ADCY2: variants seen among roughly 807,000 people sequenced by gnomAD.
ADCY2 encodes adenylate cyclase type 2.
ADCY2 carries 31 observed loss-of-function variants against 125.2 expected under a neutral mutation model. The observed-to-expected ratio is 0.25, with a 90% CI of 0.19 to 0.33. The LOEUF (loss-of-function observed/expected upper bound fraction) is 0.33, where lower values mean the gene tolerates loss of function less well. Ranked by LOEUF, ADCY2 falls within the 10% of genes least tolerant of loss-of-function variation. ADCY2 has a pLI of 1.00. For synonymous variants in ADCY2, 512 were observed against 548.4 expected (o/e 0.93, Z 0.93); for missense variants, 904 against 1,418.2 (o/e 0.64, Z 5.82).
intron 24 of ADCY2, among the ~76,000 whole-genome samples, chr5:7,825,512 T>C (rs1745448566): frequency 6.6e-6 from 1 of 152,238 alleles, no homozygotes; most frequent in Non-Finnish European, 1.5e-5. Context: ...ACAGGTGCCC[T>C]TGTTGCAGCC....
At chr5:7,436,924 C>T (rs763539765) in intron 2 of ADCY2, among the ~76,000 whole-genome samples, 19 of 152,180 alleles carry the variant, frequency 1.2e-4, no homozygotes, top group Non-Finnish European at 2.6e-4. Flanking sequence ...CCACCTTCCC[C>T]ATGCTGAGTG....
intron 14 of ADCY2, among the ~76,000 whole-genome samples, chr5:7,732,480 T>C (rs1742132513): frequency 6.6e-6 from 1 of 152,218 alleles, no homozygotes; most frequent in African/African-American, 2.4e-5. Context: ...CTGGGCCGTT[T>C]AGCATCAGCA....
chr5:7,730,317 CAATTGTGAATTG>C (rs1351585722), intron 14 of ADCY2, among the ~76,000 whole-genome samples: 5 of 152,270 alleles, frequency 3.3e-5, no homozygotes, highest in Admixed American at 1.3e-4. Flanking sequence ...CATATCTTGG[CAATTGTGAATTG>C]AATTTTAACA....
intron 3 of ADCY2, among the ~76,000 whole-genome samples, chr5:7,530,702 C>T (rs1011369876): frequency 5.9e-5 from 9 of 152,242 alleles, no homozygotes; most frequent in African/African-American, 2.2e-4. Context: ...TTTCATTCAT[C>T]CTCAGAATGA....
chr5:7,437,536 T>C (rs1740852063), intron 2 of ADCY2, among the ~76,000 whole-genome samples: 2 of 152,334 alleles, frequency 1.3e-5, no homozygotes, highest in South Asian at 4.1e-4. Flanking sequence ...ATCTATAAAA[T>C]CATAATCATA....
chr5:7,471,879 T>G (rs1742352559), intron 2 of ADCY2, among the ~76,000 whole-genome samples: 1 of 152,132 alleles, frequency 6.6e-6, no homozygotes, highest in Non-Finnish European at 1.5e-5. Flanking sequence ...TTGCATAGTG[T>G]CTAACAAGGA....
chr5:7,625,353 G>A (rs1313145026), intron 3 of ADCY2, among the ~76,000 whole-genome samples: 1 of 152,202 alleles, frequency 6.6e-6, no homozygotes, highest in Admixed American at 6.5e-5. Context: ...GAAGCTTCTT[G>A]GAACAAGATA....
intron 2 of ADCY2, among the ~76,000 whole-genome samples, chr5:7,419,375 C>T (rs1458952385): frequency 1.3e-5 from 2 of 152,154 alleles, no homozygotes; most frequent in African/African-American, 2.4e-5. Flanking sequence ...AGACATGGAG[C>T]CCCTGTTGTC....
chr5:7,707,432 C>T lies in ADCY2; in HGVS notation c.1269-274C>T, dbSNP rs572303714. On this transcript the variant is annotated intron_variant, in intron 8 of 24. Coordinates refer to ENST00000338316, the MANE Select transcript of ADCY2 (RefSeq NM_020546.3). ...ATGACATACATTTCAAAGATATTCTCATAAAAATTCAAGATAATCAAGTTG... is the reference window on the plus strand; with the variant it reads ...ATGACATACATTTCAAAGATATTCTTATAAAAATTCAAGATAATCAAGTTG... Among the ~76,000 whole-genome samples, 3 of 152,248 alleles carry T rather than the reference C, an allele frequency of 2.0e-5. No homozygotes were observed. In the East Asian group the frequency reaches 5.8e-4, roughly 29 times the overall value.
intron 4 of ADCY2, among the ~76,000 whole-genome samples, chr5:7,632,685 G>T (rs891863634): frequency 5.9e-5 from 9 of 152,112 alleles, no homozygotes; most frequent in Admixed American, 4.6e-4. Flanking sequence ...TTCACAGTTT[G>T]CACCACACTG....
intron 22 of ADCY2, among the ~76,000 whole-genome samples, chr5:7,816,440 C>A (rs916911845): frequency 2.0e-5 from 3 of 152,210 alleles, no homozygotes; most frequent in Non-Finnish European, 4.4e-5. Context: ...AGCCCAAGGA[C>A]AAGGAGCGGG....
rs148732365 is a variant in ADCY2 at position 7,579,434 on chromosome 5, C to CAG, written c.571-46717_571-46716dup. 2.5e-3 allele frequency among the ~76,000 whole-genome samples: 369 copies of CAG among 150,010 alleles called. 1 individual carries two copies. Among genetic ancestry groups the CAG allele is most frequent in the African/African-American group, 4.3e-3 (178 of 41,188 alleles). ...CCTAAAAAAAAGAGATCCACAGAGA[C>CAG]AGAGAGAGAGAGAGAGAACAGCCAA... On this transcript the variant is annotated intron_variant, in intron 3 of 24. Coordinates refer to ENST00000338316, the MANE Select transcript of ADCY2 (RefSeq NM_020546.3).
At chr5:7,467,774 C>T (rs924038523) in intron 2 of ADCY2, among the ~76,000 whole-genome samples, 1 of 152,168 alleles carries the variant, frequency 6.6e-6, no homozygotes, top group Non-Finnish European at 1.5e-5. Flanking sequence ...TAAAATAAAT[C>T]ATTGCTGCAT....
intron 24 of ADCY2, among the ~76,000 whole-genome samples, chr5:7,825,013 C>T (rs1745421496): frequency 6.6e-6 from 1 of 152,182 alleles, no homozygotes; most frequent in African/African-American, 2.4e-5. Flanking sequence ...GCCATAACAC[C>T]CCTGTGTGCC....
chr5:7,627,692 A>C (rs1164826287), intron 4 of ADCY2, among the ~76,000 whole-genome samples: 2 of 152,206 alleles, frequency 1.3e-5, no homozygotes, highest in African/African-American at 4.8e-5. Context: ...AGCAAAAAGT[A>C]TATCCTTTAA....
At position 7,523,344 on chromosome 5, in the gene ADCY2, G is replaced by A. The variant is rs551121161; in HGVS notation, c.570+2445G>A. Among the ~76,000 whole-genome samples, 29 of 148,448 alleles carry A rather than the reference G, an allele frequency of 2.0e-4. 1 individual carries two copies. In the South Asian group the frequency reaches 5.9e-3, roughly 30 times the overall value. On this transcript the variant is annotated intron_variant, in intron 3 of 24. Coordinates refer to ENST00000338316, the MANE Select transcript of ADCY2 (RefSeq NM_020546.3). ...AAAAAAAAAAAAAAGTGGGAAAGAT[G>A]GAATCTTAAATTTTTATTTACTCAG...
rs371712909 is a variant in ADCY2 at position 7,611,876 on chromosome 5, G to A, written c.571-14291G>A. ...GGCAAGTAATCCAAAGCTCATCTAGGCACAACAATGAGATGATTCTAGAAG... is the reference window on the plus strand; with the variant it reads ...GGCAAGTAATCCAAAGCTCATCTAGACACAACAATGAGATGATTCTAGAAG... On this transcript the variant is annotated intron_variant, in intron 3 of 24. Coordinates refer to ENST00000338316, the MANE Select transcript of ADCY2 (RefSeq NM_020546.3). 2.0e-4 allele frequency among the ~76,000 whole-genome samples: 30 copies of A among 152,232 alleles called. No homozygotes were observed. The East Asian group carries it at 2.3e-3, about 12-fold the overall frequency.
chr5:7,806,613 G>GAGAGAC (rs1020584877), intron 22 of ADCY2, among the ~76,000 whole-genome samples: 25 of 152,206 alleles, frequency 1.6e-4, no homozygotes, highest in Non-Finnish European at 3.1e-4. Flanking sequence ...GAGAGAGAGA[G>GAGAGAC]AGAGACAGAG....
chr5:7,533,911 C>T (rs1477016347), intron 3 of ADCY2, among the ~76,000 whole-genome samples: 1 of 152,158 alleles, frequency 6.6e-6, no homozygotes, highest in Non-Finnish European at 1.5e-5. Flanking sequence ...GTGTGTAAAT[C>T]CCCATATCAC....
Sources: gnomAD v4.1 joint callset for allele counts (sites outside exome capture counted in the v4.1 genomes callset) on GRCh38, gnomAD v4.1.1 for gene constraint, MANE v1.5 for transcripts, NCBI Gene and HGNC (gene_info 2026-07-23, HGNC 2026-07-21) for gene names.